Variants in CNKSR2 observed in about 807,000 individuals in gnomAD.
The protein encoded by CNKSR2 is connector enhancer of kinase suppressor of Ras 2.
CNKSR2 carries 14 observed loss-of-function variants against 84.4 expected under a neutral mutation model. The observed-to-expected ratio is 0.17, with a 90% CI of 0.11 to 0.26. The LOEUF (loss-of-function observed/expected upper bound fraction) is 0.26. CNKSR2 is among the 10% of genes least tolerant of loss of function. The pLI is 1.00. For synonymous variants in CNKSR2, 275 were observed against 277.9 expected (o/e 0.99, Z 0.10); for missense variants, 485 against 771.2 (o/e 0.63, Z 4.40).
At chrX:21,652,163 CG>C in intron 21 of CNKSR2, 142 bp from the exon 22 acceptor site, 1 of 460,100 alleles carries the variant, frequency 2.2e-6, no homozygotes, top group Middle Eastern at 6.1e-4. Flanking sequence ...TACACTAGGA[CG>C]TGAGTCTAAA....
At position 21,376,560 on chromosome X, in the gene CNKSR2, C is replaced by T. The variant is rs143252082; in HGVS notation, c.64+1599C>T. ...GCTGCTTTTTCTCTTTATGTATTTG[C>T]TATTGAAATTCCAATATCTTAGATT... On this transcript the variant is annotated intron_variant, in intron 1 of 21. Transcript: ENST00000379510. Among the ~76,000 whole-genome samples the T allele has an allele frequency of 7.8e-4, 87 of 111,826 alleles. 2 individuals are homozygous for T. The East Asian group carries it at 0.023, about 29-fold the overall frequency.
intron 20 of CNKSR2, among the ~76,000 whole-genome samples, chrX:21,636,797 T>C (rs2092674133): frequency 9.0e-6 from 1 of 110,756 alleles, no homozygotes; most frequent in African/African-American, 3.3e-5. Flanking sequence ...ACCTTTGATA[T>C]AGTATATATA....
intron 1 of CNKSR2, among the ~76,000 whole-genome samples, chrX:21,388,755 C>G (rs2090007396): frequency 9.0e-6 from 1 of 111,313 alleles, no homozygotes; most frequent in African/African-American, 3.3e-5. Flanking sequence ...TACATACTCC[C>G]TAACTCCCAC....
intron 11 of CNKSR2, among the ~76,000 whole-genome samples, chrX:21,533,706 T>C: frequency 9.0e-6 from 1 of 111,327 alleles, no homozygotes; most frequent in East Asian, 2.8e-4. Context: ...CATCTTTTTG[T>C]AACCAACTTA....
intron 20 of CNKSR2, among the ~76,000 whole-genome samples, chrX:21,646,740 T>C (rs758580804): frequency 8.1e-5 from 9 of 111,676 alleles, no homozygotes; most frequent in Admixed American, 1.9e-4. Context: ...AATTCACATC[T>C]GTTAGGCCTC....
chrX:21,565,136 A>G (rs933943199), intron 13 of CNKSR2, among the ~76,000 whole-genome samples: 1 of 111,530 alleles, frequency 9.0e-6, no homozygotes, highest in Admixed American at 9.6e-5. Context: ...GAGAAGGAAG[A>G]AGAGACCATC....
Position 21,644,936 on chromosome X carries a change from C to T in CNKSR2, c.2693-3895C>T, listed in dbSNP as rs768823626. The T allele has an allele frequency of 1.3e-4, 15 of 112,010 alleles. No homozygotes were observed. In the East Asian group the frequency reaches 3.6e-3, roughly 27 times the overall value. The allele number at this position is 112,010 out of a possible 1,213,427, so 9.2% of individuals were successfully genotyped here. ...CCACTGAGCCTGAATGTAAGAAATA[C>T]GTCAACCAAAGACTTTTTGGTATTT... On this transcript the variant is annotated intron_variant, in intron 20 of 21. Coordinates refer to ENST00000379510, the MANE Select transcript of CNKSR2 (RefSeq NM_014927.5).
intron 4 of CNKSR2, among the ~76,000 whole-genome samples, chrX:21,465,492 G>C (rs1241433474): frequency 9.0e-6 from 1 of 111,301 alleles, no homozygotes; most frequent in East Asian, 2.8e-4. Context: ...AGAATATGTT[G>C]AAGTGTTGAG....
At chrX:21,617,695 T>G (rs73453507) in intron 20 of CNKSR2, among the ~76,000 whole-genome samples, 3,879 of 111,247 alleles carry the variant, frequency 0.035, 176 homozygotes, top group African/African-American at 0.12. Context: ...AGAGTTCCTC[T>G]AAAACTTTTT....
intron 1 of CNKSR2, among the ~76,000 whole-genome samples, chrX:21,409,610 G>C (rs1370571714): frequency 9.1e-6 from 1 of 110,418 alleles, no homozygotes; most frequent in Non-Finnish European, 1.9e-5. Flanking sequence ...CATATTTTCA[G>C]AGTTCTTTGA....
At chrX:21,381,700 G>A (rs1358837459) in intron 1 of CNKSR2, among the ~76,000 whole-genome samples, 2 of 112,091 alleles carry the variant, frequency 1.8e-5, no homozygotes, top group Admixed American at 9.4e-5. Context: ...GTCATGCCCA[G>A]CACCAAGTAT....
At chrX:21,545,428 C>G (rs1259590363) in intron 11 of CNKSR2, among the ~76,000 whole-genome samples, 1 of 112,104 alleles carries the variant, frequency 8.9e-6, no homozygotes, top group Non-Finnish European at 1.9e-5. Context: ...GTCAGGGGCT[C>G]ATAGATAGAA....
chrX:21,500,529 A>T (rs921037396), intron 7 of CNKSR2, among the ~76,000 whole-genome samples: 2 of 111,291 alleles, frequency 1.8e-5, no homozygotes, highest in South Asian at 7.4e-4. Context: ...CTAGACAAAT[A>T]CATTTTTATA....
chrX:21,576,523 G>C (rs1329281304), intron 13 of CNKSR2, among the ~76,000 whole-genome samples: 1 of 111,643 alleles, frequency 9.0e-6, no homozygotes, highest in East Asian at 2.8e-4. Flanking sequence ...GGAATTCAAT[G>C]AAGTTGAAAA....
intron 4 of CNKSR2, among the ~76,000 whole-genome samples, chrX:21,454,330 G>A (rs770175604): frequency 2.5e-4 from 28 of 111,994 alleles, no homozygotes; most frequent in Non-Finnish European, 1.1e-4. Context: ...ATTCTTTGAG[G>A]TATTGAGTAT....
chrX:21,428,844 A>G (rs1187496972), intron 2 of CNKSR2: 1 of 111,515 alleles, frequency 9.0e-6, no homozygotes, highest in Non-Finnish European at 1.9e-5. Flanking sequence ...TGGTTCATTC[A>G]TCTTAAAATA....
At chrX:21,375,979 A>G (rs746820721) in intron 1 of CNKSR2, among the ~76,000 whole-genome samples, 1 of 111,427 alleles carries the variant, frequency 9.0e-6, no homozygotes, top group Non-Finnish European at 1.9e-5. Flanking sequence ...TGAAGAGGGG[A>G]TGGATGGGAT....
intron 13 of CNKSR2, among the ~76,000 whole-genome samples, chrX:21,588,301 G>C (rs1390646422): frequency 8.9e-6 from 1 of 112,124 alleles, no homozygotes; most frequent in Non-Finnish European, 1.9e-5. Context: ...GGCAAATACT[G>C]CAAGTAGGCC....
chrX:21,418,383 A>G (rs146371564), intron 1 of CNKSR2, among the ~76,000 whole-genome samples: 133 of 111,700 alleles, frequency 1.2e-3, no homozygotes, highest in African/African-American at 4.2e-3. Flanking sequence ...TACTATTGCC[A>G]GTAAGTTTTT....
Sources: gnomAD v4.1 joint callset for allele counts (sites outside exome capture counted in the v4.1 genomes callset) on GRCh38, gnomAD v4.1.1 for gene constraint, MANE v1.5 for transcripts, NCBI Gene and HGNC (gene_info 2026-07-23, HGNC 2026-07-21) for gene names.